AK7: variants seen among roughly 807,000 people sequenced by gnomAD.
AK7 encodes the protein adenylate kinase 7.
A neutral mutation model predicts 96.6 loss-of-function variants in AK7; 78 were observed. The observed-to-expected ratio is 0.81, with a 90% CI of 0.67 to 0.97. The LOEUF (loss-of-function observed/expected upper bound fraction) is 0.97, where lower values mean the gene tolerates loss of function less well. Ranked by LOEUF, AK7 falls within the 50% of genes least tolerant of loss-of-function variation. The pLI, the probability that AK7 is intolerant of heterozygous loss-of-function variation, is 0.00. For synonymous variants in AK7, 302 were observed against 317.2 expected, an observed-to-expected ratio of 0.95 and a Z score of 0.51; for missense variants, 855 against 887.9, an observed-to-expected ratio of 0.96 and a Z score of 0.47.
intron 14 of AK7, among the ~76,000 whole-genome samples, chr14:96,473,429 C>T (rs1165096831): frequency 1.3e-5 from 2 of 150,868 alleles, no homozygotes; most frequent in African/African-American, 2.4e-5. Context: ...TCCCAAAGTG[C>T]TGGGATTACA....
In AK7 at chr14:96,471,584, T is replaced by C; in HGVS notation, c.1464T>C (p.Asp488=). The change falls in exon 13 of 18, where the codon GAT becomes GAC. Residue 488 remains aspartate, a synonymous_variant. Transcript: ENST00000267584. ...TGGATGGATTCCCAAAGACCTATGA[T>C]CAAGCAAAAGACCTGTTCAATCGTA... The part of the protein sequence containing the change: ...YILDGFPKTY[D]QAKDLFNQED... 1 of 1,592,698 alleles carries C rather than the reference T, an allele frequency of 6.3e-7. No homozygotes were observed. Among genetic ancestry groups the C allele is most frequent in the African/African-American group, 1.4e-5 (1 of 74,040 alleles).
intron 4 of AK7, 57 bp from the exon 5 acceptor site, chr14:96,420,765 G>C (rs1237825009): frequency 4.1e-6 from 5 of 1,210,736 alleles, no homozygotes; most frequent in Non-Finnish European, 4.8e-6. Context: ...TTTAGCCTTA[G>C]AAGTCACACA....
intron 5 of AK7, among the ~76,000 whole-genome samples, chr14:96,435,573 C>T (rs1892591043): frequency 6.6e-6 from 1 of 152,160 alleles, no homozygotes. Context: ...CCTCCCCAGT[C>T]CACTGTCTCT....
chr14:96,470,415 AAGG>A (rs1350046649), intron 12 of AK7, among the ~76,000 whole-genome samples: 5 of 152,202 alleles, frequency 3.3e-5, no homozygotes, highest in African/African-American at 1.2e-4. Context: ...CACATTAAGC[AAGG>A]TAAGGATGGG....
In AK7 at chr14:96,403,617, C is replaced by G. The variant is rs1214269830; in HGVS notation, c.295-1140C>G. On this transcript the variant is annotated intron_variant, in intron 2 of 17. Transcript: ENST00000267584. ...ATTTCCTAAGGAAAGGCATCAACTT[C>G]CCTTTGTTTTTCAATAAAGGAAGAG... 3.9e-5 allele frequency among the ~76,000 whole-genome samples: 6 copies of G among 152,158 alleles called. 1 individual carries two copies. The highest frequency in any genetic ancestry group is 8.8e-5 in the Non-Finnish European group (6 of 68,036).
intron 12 of AK7, among the ~76,000 whole-genome samples, chr14:96,462,862 G>A (rs1480753335): frequency 6.6e-6 from 1 of 152,140 alleles, no homozygotes; most frequent in Non-Finnish European, 1.5e-5. Context: ...CCTTGGCCAG[G>A]CTTGGTGGCT....
At chr14:96,405,031 A>G in intron 3 of AK7, 166 bp downstream of exon 3, 1 of 383,178 alleles carries the variant, frequency 2.6e-6, no homozygotes, top group Non-Finnish European at 4.7e-6. Context: ...ATACTTCTGA[A>G]GAATAGAATA....
At chr14:96,456,540 G>A in intron 11 of AK7, 65 bp downstream of exon 11, 1 of 1,550,198 alleles carries the variant, frequency 6.5e-7, no homozygotes, top group Non-Finnish European at 8.8e-7. Flanking sequence ...AGGGTATAAA[G>A]ATGTATATGA....
At chr14:96,446,472 T>C in intron 7 of AK7, 45 bp from the exon 8 acceptor site, 1 of 1,557,596 alleles carries the variant, frequency 6.4e-7, no homozygotes, top group Non-Finnish European at 8.9e-7. Flanking sequence ...ACTGCATCTC[T>C]TTCGCTTTTT....
intron 2 of AK7, chr14:96,398,941 C>G (rs1296424914): frequency 6.6e-6 from 1 of 152,212 alleles, no homozygotes; most frequent in Non-Finnish European, 1.5e-5. Flanking sequence ...TACCATACAG[C>G]TTTCCACATG....
At chr14:96,419,770 ATT>A (rs200746590) in intron 4 of AK7, among the ~76,000 whole-genome samples, 1 of 125,502 alleles carries the variant, frequency 8.0e-6, no homozygotes, top group African/African-American at 3.2e-5. Context: ...CTCCTAAAGC[ATT>A]TTTTTTTCTT....
rs59930782 is a variant in AK7 at position 96,403,114 on chromosome 14, TTAAATAAATAAATAAA to T, written c.295-1617_295-1602del. Among the ~76,000 whole-genome samples, 20 of 140,374 alleles carry T rather than the reference TTAAATAAATAAATAAA, an allele frequency of 1.4e-4. No individual in the cohort carries two copies. In the South Asian group the frequency reaches 2.7e-3, roughly 19 times the overall value. The allele number at this position is 140,374 out of a possible 152,430, so 92.1% of individuals were successfully genotyped here. A position where few individuals can be genotyped will look rare whatever the true frequency, so the allele number is the denominator to read the frequency against. On this transcript the variant is annotated intron_variant, in intron 2 of 17. Transcript: ENST00000267584. Reference sequence around the variant, plus strand: ...CTGGGCAACAGAGCAAGACTCTGTCTTAAATAAATAAATAAATAAATAAATAAATAAATAAATAAAT... The same window carrying T: ...CTGGGCAACAGAGCAAGACTCTGTCTTAAATAAATAAATAAATAAATAAAT...
chr14:96,405,069 G>A (rs1021685027), intron 3 of AK7: 4 of 303,978 alleles, frequency 1.3e-5, no homozygotes, highest in East Asian at 5.1e-5. Flanking sequence ...AATGAAGGCC[G>A]GCACACTGAC....
intron 14 of AK7, among the ~76,000 whole-genome samples, chr14:96,477,968 A>G (rs1050533078): frequency 6.6e-6 from 1 of 152,218 alleles, no homozygotes; most frequent in South Asian, 2.1e-4. Context: ...GCTTAAGGCA[A>G]GAATTTGAGA....
intron 5 of AK7, among the ~76,000 whole-genome samples, chr14:96,431,491 T>C (rs1184152056): frequency 1.3e-5 from 2 of 152,230 alleles, no homozygotes; most frequent in Non-Finnish European, 2.9e-5. Flanking sequence ...AAGAACATCT[T>C]TATTTATGCC....
chr14:96,413,378 T>C (rs1006919228), intron 4 of AK7, among the ~76,000 whole-genome samples: 1 of 152,172 alleles, frequency 6.6e-6, no homozygotes, highest in Non-Finnish European at 1.5e-5. Context: ...CAACTGGGTT[T>C]GGCCAGTGGG....
chr14:96,438,474 C>T (rs1892774292), intron 6 of AK7, among the ~76,000 whole-genome samples: 1 of 152,152 alleles, frequency 6.6e-6, no homozygotes, highest in East Asian at 1.9e-4. Flanking sequence ...GGCTAATCGG[C>T]TTTCTGGAGA....
At chr14:96,455,141 T>C (rs1893823169) in intron 10 of AK7, among the ~76,000 whole-genome samples, 1 of 152,008 alleles carries the variant, frequency 6.6e-6, no homozygotes, top group Admixed American at 6.6e-5. Context: ...CACTCCAGCT[T>C]GGGCAACAAG....
intron 6 of AK7, 147 bp downstream of exon 6, chr14:96,438,062 C>G: frequency 1.7e-6 from 1 of 577,532 alleles, no homozygotes; most frequent in Non-Finnish European, 3.0e-6. Context: ...CCACAAAGAC[C>G]TACGTTTCTT....
Sources: gnomAD v4.1 joint callset for allele counts (sites outside exome capture counted in the v4.1 genomes callset) on GRCh38, gnomAD v4.1.1 for gene constraint, MANE v1.5 for transcripts, NCBI Gene and HGNC (gene_info 2026-07-23, HGNC 2026-07-21) for gene names.